GSDMC: variants seen among roughly 807,000 people sequenced by gnomAD.
The protein encoded by GSDMC is gasdermin C.
GSDMC carries 59 observed loss-of-function variants against 58.0 expected under a neutral mutation model. That is an observed-to-expected ratio of 1.02 (90% confidence interval 0.82 to 1.26). The LOEUF (loss-of-function observed/expected upper bound fraction) is 1.26. GSDMC is among the 50% of genes most tolerant of loss of function. The pLI, the probability that GSDMC is intolerant of heterozygous loss-of-function variation, is 0.00. For synonymous variants in GSDMC, 241 were observed against 220.2 expected (o/e 1.09, Z -0.83); for missense variants, 659 against 598.5 (o/e 1.10, Z -1.06).
At chr8:129,749,931 T>C in intron 12 of GSDMC, 59 bp downstream of exon 12, 1 of 1,436,580 alleles carries the variant, frequency 7.0e-7, no homozygotes, top group Non-Finnish European at 9.5e-7. Context: ...ACACAGCTTT[T>C]TGCGGGTCCT....
chr8:129,730,450 AT>A, the GSDMC span: 3 of 1,048,238 alleles, frequency 2.9e-6, no homozygotes, highest in African/African-American at 1.6e-5. Context: ...GTTTAAGTTG[AT>A]TTTTTATTCA....
chr8:129,758,052 A>G (rs867216648), intron 6 of GSDMC, among the ~76,000 whole-genome samples: 2 of 152,366 alleles, frequency 1.3e-5, no homozygotes, highest in South Asian at 2.1e-4. Context: ...GGATGCAAAG[A>G]TAGTTCAACA....
chr8:129,752,904 G>A (rs1404092437), intron 6 of GSDMC, 84 bp from the exon 7 acceptor site: 2 of 1,592,822 alleles, frequency 1.3e-6, no homozygotes, highest in African/African-American at 2.7e-5. Context: ...GCAGAGCCAG[G>A]CTGGGCTCAA....
Position 129,777,430 on chromosome 8 carries a change from G to C in GSDMC, c.158C>G (p.Ser53Cys), listed in dbSNP as rs760776030. The C allele has an allele frequency of 4.3e-6, 7 of 1,613,536 alleles. No homozygotes were observed. Among genetic ancestry groups the C allele is most frequent in the Non-Finnish European group, 5.1e-6 (6 of 1,179,440 alleles). ...GGAGAATTCAACTGGAACATAGTCA[G>C]ATTGTTCCCAAAATGATGAACGAGA... ...KDSRSSFWEQ[S>C]DYVPVEFSLN... Residue 53 changes from serine (S) to cysteine (C), a missense_variant, in exon 2 of 14, where the codon TCT becomes TGT. Ser to Cys is a moderately radical substitution (Grantham distance 112). Coordinates refer to ENST00000276708, the MANE Select transcript of GSDMC (RefSeq NM_031415.3).
At chr8:129,767,498 C>A (rs971755653) in intron 3 of GSDMC, among the ~76,000 whole-genome samples, 1 of 152,136 alleles carries the variant, frequency 6.6e-6, no homozygotes, top group African/African-American at 2.4e-5. Flanking sequence ...AAGAACCCAA[C>A]ACAGCCTTGA....
the GSDMC span, among the ~76,000 whole-genome samples, chr8:129,718,906 C>G: frequency 8.5e-5 from 13 of 152,236 alleles, no homozygotes; most frequent in African/African-American, 3.1e-4. Flanking sequence ...AGCTGGAAAC[C>G]ATCATTCTCA....
intron 13 of GSDMC, 35 bp from the exon 14 acceptor site, chr8:129,748,775 C>A: frequency 1.4e-6 from 2 of 1,473,360 alleles, no homozygotes; most frequent in Non-Finnish European, 9.0e-7. Flanking sequence ...ACAGACCAGC[C>A]TTTAAGATGA....
chr8:129,735,454 G>C, the GSDMC span, among the ~76,000 whole-genome samples: 1 of 148,890 alleles, frequency 6.7e-6, no homozygotes, highest in Non-Finnish European at 1.5e-5. Flanking sequence ...ACAACAAACT[G>C]TCTTTCAGAC....
In GSDMC at chr8:129,765,789, G is replaced by GT; in HGVS notation, c.408dup (p.Leu137ThrfsTer27). On this transcript the variant is annotated frameshift_variant, in exon 4 of 14. Transcript: ENST00000276708. LOFTEE classifies it high-confidence loss of function. Reference sequence around the variant, plus strand: ...AGAAATGATGGCTCTGGATCCAACAGTTTCCTGGGGATTTAAGGAAGGAGG... The same window carrying GT: ...AGAAATGATGGCTCTGGATCCAACAGTTTTCCTGGGGATTTAAGGAAGGAGG... 6.2e-7 allele frequency: 1 copy of GT among 1,612,918 alleles called. No individual in the cohort carries two copies.
At chr8:129,722,946 G>A in the GSDMC span, 1 of 152,124 alleles carries the variant, frequency 6.6e-6, no homozygotes, top group Non-Finnish European at 1.5e-5. Flanking sequence ...TAAAACTGTA[G>A]AATGTTCACA....
At chr8:129,776,078 C>A (rs758714858) in intron 3 of GSDMC, 24 bp downstream of exon 3, 2 of 1,577,862 alleles carry the variant, frequency 1.3e-6, no homozygotes, top group Non-Finnish European at 1.7e-6. Flanking sequence ...GATGATCCAT[C>A]CCCTTCCTCT....
chr8:129,727,417 A>G, the GSDMC span, among the ~76,000 whole-genome samples: 1 of 152,296 alleles, frequency 6.6e-6, no homozygotes, highest in East Asian at 1.9e-4. Flanking sequence ...ACGCCGGCAA[A>G]CAGCCCCCAT....
chr8:129,776,266 C>T lies in GSDMC; in HGVS notation c.240G>A (p.Pro80=), dbSNP rs150289715. Residue 80 remains proline, a synonymous_variant, in exon 3 of 14, where the codon CCG becomes CCA. Transcript: ENST00000276708. ...GGATCATAATGTCACTGAAGTGGAACGGTCCTGTCACAACAGTTTCTGGGG... is the reference window on the plus strand; with the variant it reads ...GGATCATAATGTCACTGAAGTGGAATGGTCCTGTCACAACAGTTTCTGGGG... ...SSVLETVVTG[P]FHFSDIMIQK... is the part of the protein sequence containing the mutation. 10 of 1,611,116 alleles carry T rather than the reference C, an allele frequency of 6.2e-6. No individual in the cohort carries two copies. Among genetic ancestry groups the T allele is most frequent in the South Asian group, 3.3e-5 (3 of 90,512 alleles).
the GSDMC span, among the ~76,000 whole-genome samples, chr8:129,714,137 C>G: frequency 6.6e-6 from 1 of 152,074 alleles, no homozygotes; most frequent in Non-Finnish European, 1.5e-5. Context: ...CTCTCACAAC[C>G]CTTCCATTTT....
chr8:129,717,708 GA>G, the GSDMC span, among the ~76,000 whole-genome samples: 1 of 152,068 alleles, frequency 6.6e-6, no homozygotes, highest in African/African-American at 2.4e-5. Flanking sequence ...AGACCATATA[GA>G]AAAAACAATC....
In GSDMC at chr8:129,776,189, G is replaced by A. The variant is rs1329612348; in HGVS notation, c.317C>T (p.Ser106Leu). ...TCCATGGTCCACAGAGGCCTCCCCT[G>A]ACACACTCACTTCTATACCAACATT... ...GVNVGIEVSV[S>L]GEASVDHGCS... Residue 106 changes from serine to leucine, a missense_variant, in exon 3 of 14, where the codon TCA becomes TTA. Coordinates refer to ENST00000276708, the MANE Select transcript of GSDMC (RefSeq NM_031415.3). The A allele has an allele frequency of 1.9e-6, 3 of 1,613,686 alleles. No individual in the cohort carries two copies. The highest frequency in any genetic ancestry group is 1.1e-5 in the South Asian group (1 of 91,070).
At chr8:129,752,276 C>G (rs2033238148) in intron 7 of GSDMC, 129 bp from the exon 8 acceptor site, 1 of 771,752 alleles carries the variant, frequency 1.3e-6, no homozygotes, top group East Asian at 2.7e-5. Flanking sequence ...CATGTTCCAT[C>G]AGTTCAGTTA....
chr8:129,776,054 C>A (rs753802763), intron 3 of GSDMC, 48 bp downstream of exon 3: 3 of 1,414,032 alleles, frequency 2.1e-6, no homozygotes, highest in East Asian at 2.3e-5. Flanking sequence ...AAGGAAAACA[C>A]CCCCTGGGAT....
At chr8:129,783,249 G>T (rs1382817713) in intron 1 of GSDMC, among the ~76,000 whole-genome samples, 2 of 148,182 alleles carry the variant, frequency 1.3e-5, no homozygotes, top group Non-Finnish European at 3.1e-5. Context: ...CACTCAATGG[G>T]GGAAAAGAGA....
Sources: allele counts gnomAD v4.1 joint callset (sites outside exome capture counted in the v4.1 genomes callset), GRCh38; gene constraint gnomAD v4.1.1; transcripts MANE v1.5; gene names NCBI Gene and HGNC (gene_info 2026-07-23, HGNC 2026-07-21).